The following DCC variants were observed in gnomAD, a reference collection of about 807,000 sequenced individuals.
DCC encodes the protein DCC netrin 1 receptor.
Under a neutral mutation model 172.5 loss-of-function variants are expected in DCC, and 58 were observed. The ratio of observed to expected loss-of-function variants is 0.34; its 90% CI spans 0.27 to 0.42. The LOEUF is 0.42. DCC is among the 10% of genes least tolerant of loss of function. The pLI, the probability that DCC is intolerant of heterozygous loss-of-function variation, is 1.00. For missense variants in DCC, 1,740 were observed against 1,791.0 expected (o/e 0.97, Z 0.51); for synonymous variants, 709 against 644.5 (o/e 1.10, Z -1.52).
intron 5 of DCC, among the ~76,000 whole-genome samples, chr18:52,970,290 G>A (rs1253443716): frequency 1.3e-5 from 2 of 151,892 alleles, no homozygotes; most frequent in East Asian, 1.9e-4. Flanking sequence ...GTAATTATAG[G>A]TGGCATAATT....
At chr18:53,246,537 G>A (rs1026803950) in intron 12 of DCC, among the ~76,000 whole-genome samples, 3 of 151,438 alleles carry the variant, frequency 2.0e-5, no homozygotes, top group Non-Finnish European at 4.4e-5. Flanking sequence ...AAAAAAAACA[G>A]GTGAATTAAA....
At chr18:53,082,625 T>C (rs2042822786) in intron 7 of DCC, among the ~76,000 whole-genome samples, 1 of 152,130 alleles carries the variant, frequency 6.6e-6, no homozygotes, top group Admixed American at 6.6e-5. Flanking sequence ...ACATTATACA[T>C]TGTAAATTAG....
At chr18:53,076,982 T>C (rs1422945287) in intron 7 of DCC, among the ~76,000 whole-genome samples, 2 of 152,188 alleles carry the variant, frequency 1.3e-5, no homozygotes, top group East Asian at 1.9e-4. Flanking sequence ...ATGCCACCAT[T>C]GGATGCTGGC....
rs989468461 is a variant in DCC, at chr18:53,196,544, T to A, written c.1574-8672T>A. On this transcript the variant is annotated intron_variant, in intron 9 of 28. Coordinates refer to ENST00000442544, the MANE Select transcript of DCC (RefSeq NM_005215.4). ...TAGGTTGAATTACAAGAAATCTGCT[T>A]TGAAGATTATTTTCTTCACAGGGAG... Among the ~76,000 whole-genome samples the A allele has an allele frequency of 5.3e-4, 80 of 152,120 alleles. 1 individual carries two copies. The highest frequency in any genetic ancestry group is 1.3e-4 in the Non-Finnish European group (9 of 67,980).
chr18:53,320,509 A>G (rs1479155395), intron 13 of DCC, among the ~76,000 whole-genome samples: 1 of 152,182 alleles, frequency 6.6e-6, no homozygotes, highest in Non-Finnish European at 1.5e-5. Context: ...AAATCTCTGT[A>G]ACCCCTCTGC....
At chr18:52,739,903 G>T (rs1164227604) in intron 1 of DCC, among the ~76,000 whole-genome samples, 1 of 152,136 alleles carries the variant, frequency 6.6e-6, no homozygotes, top group Non-Finnish European at 1.5e-5. Flanking sequence ...CCCACATAGA[G>T]TCCCTCAAAA....
chr18:52,721,470 C>G (rs2145076467), intron 1 of DCC, among the ~76,000 whole-genome samples: 1 of 152,286 alleles, frequency 6.6e-6, no homozygotes, highest in Non-Finnish European at 1.5e-5. Flanking sequence ...TTGACTTTAT[C>G]AACTAGGCAC....
At chr18:52,440,166 C>T (rs560997631) in intron 1 of DCC, among the ~76,000 whole-genome samples, 8 of 152,238 alleles carry the variant, frequency 5.3e-5, no homozygotes, top group East Asian at 1.9e-4. Flanking sequence ...CAATTTGAAG[C>T]GCATACCCCT....
At chr18:53,287,097 C>A (rs1027971393) in intron 12 of DCC, among the ~76,000 whole-genome samples, 2 of 152,040 alleles carry the variant, frequency 1.3e-5, no homozygotes, top group Non-Finnish European at 2.9e-5. Context: ...AACATTTTGT[C>A]ACCCCTAAAA....
At chr18:53,354,725 G>A (rs2057856830) in intron 15 of DCC, among the ~76,000 whole-genome samples, 1 of 150,412 alleles carries the variant, frequency 6.6e-6, no homozygotes, top group Admixed American at 6.6e-5. Context: ...TCACTCTGAT[G>A]GTAGTTTCTT....
Position 53,499,328 on chromosome 18 carries a change from C to T in DCC, c.3929C>T (p.Pro1310Leu). 4 of 1,614,066 alleles carry T rather than the reference C, an allele frequency of 2.5e-6. No individual in the cohort carries two copies. The highest frequency in any genetic ancestry group is 3.4e-6 in the Non-Finnish European group (4 of 1,180,004). ...AGTGAAGGACCAACTACCCAACAAC[C>T]ACCTATGCTGCCCCCATCTCAGCCT... is the stretch of plus-strand genomic sequence containing the variant. ...SVSEGPTTQQ[P>L]PMLPPSQPEH... The change falls in exon 27 of 29, where the codon CCA (proline) becomes CTA (leucine). Residue 1310 changes from proline to leucine, a missense_variant. Pro to Leu is a moderately conservative substitution (Grantham distance 98). Coordinates refer to ENST00000442544, the MANE Select transcript of DCC (RefSeq NM_005215.4).
intron 18 of DCC, among the ~76,000 whole-genome samples, chr18:53,398,469 C>T (rs557282116): frequency 2.9e-4 from 44 of 152,136 alleles, no homozygotes; most frequent in Non-Finnish European, 2.6e-4. Flanking sequence ...GCACAATGTT[C>T]ACAGCTTCTT....
At chr18:52,819,268 T>C (rs2038360587) in intron 2 of DCC, among the ~76,000 whole-genome samples, 1 of 152,164 alleles carries the variant, frequency 6.6e-6, no homozygotes, top group Non-Finnish European at 1.5e-5. Context: ...AAATATGCTT[T>C]CACTGGTAAA....
chr18:53,253,042 G>A (rs1431181), intron 12 of DCC, among the ~76,000 whole-genome samples: 44,324 of 151,242 alleles, frequency 0.29, 8,338 homozygotes, highest in Non-Finnish European at 0.43. Context: ...TACCATTTTC[G>A]TATTAATCAA....
At chr18:52,974,561 G>C (rs796273404) in intron 5 of DCC, among the ~76,000 whole-genome samples, 28 of 152,296 alleles carry the variant, frequency 1.8e-4, no homozygotes, top group African/African-American at 6.3e-4. Flanking sequence ...TGCTTGAAAA[G>C]CCACAGGGTG....
chr18:53,525,283 A>G (rs994266760), intron 27 of DCC, among the ~76,000 whole-genome samples: 1 of 152,120 alleles, frequency 6.6e-6, no homozygotes, highest in Admixed American at 6.6e-5. Context: ...AATGCTTGGC[A>G]TAGATCTAGA....
At chr18:52,369,164 G>A (rs552179361) in intron 1 of DCC, among the ~76,000 whole-genome samples, 2 of 152,238 alleles carry the variant, frequency 1.3e-5, no homozygotes, top group South Asian at 2.1e-4. Flanking sequence ...TCTCAAAAAC[G>A]AGGACAAAAA....
intron 5 of DCC, among the ~76,000 whole-genome samples, chr18:52,938,747 T>C (rs1290333959): frequency 3.3e-5 from 5 of 152,116 alleles, no homozygotes; most frequent in Admixed American, 6.6e-5. Flanking sequence ...ATATTAAACC[T>C]AGTCATCAGC....
At chr18:53,028,311 T>C (rs2041984029) in intron 5 of DCC, among the ~76,000 whole-genome samples, 1 of 152,120 alleles carries the variant, frequency 6.6e-6, no homozygotes, top group Non-Finnish European at 1.5e-5. Context: ...TTTATTAAAA[T>C]TTGTCTTGCA....
Sources: gnomAD v4.1 joint callset for allele counts (sites outside exome capture counted in the v4.1 genomes callset) on GRCh38, gnomAD v4.1.1 for gene constraint, MANE v1.5 for transcripts, NCBI Gene and HGNC (gene_info 2026-07-23, HGNC 2026-07-21) for gene names.